GPC5: variants seen among roughly 807,000 people sequenced by gnomAD.
GPC5 encodes glypican-5.
A neutral mutation model predicts 53.9 loss-of-function variants in GPC5; 47 were observed. That is an observed-to-expected ratio of 0.87 (90% CI 0.69 to 1.11). The LOEUF is 1.11. GPC5 is among the 50% of genes most tolerant of loss of function. GPC5 has a pLI of 0.00. For missense variants in GPC5, 748 were observed against 713.1 expected (o/e 1.05, Z -0.56); for synonymous variants, 286 against 263.3 (o/e 1.09, Z -0.84).
At chr13:92,527,249 GAGAAAGAA>G (rs199630577) in intron 7 of GPC5, among the ~76,000 whole-genome samples, 5,820 of 32,444 alleles carry the variant, frequency 0.18, 538 homozygotes, top group African/African-American at 0.22. Flanking sequence ...AAGAAAGAAA[GAGAAAGAA>G]AGAAAGAAAG....
At chr13:92,564,172 C>T (rs766795471) in intron 7 of GPC5, among the ~76,000 whole-genome samples, 1 of 151,882 alleles carries the variant, frequency 6.6e-6, no homozygotes, top group Non-Finnish European at 1.5e-5. Context: ...TAGACACATG[C>T]CTTCCAGTGC....
chr13:91,510,381 C>T (rs1885172354), intron 2 of GPC5, among the ~76,000 whole-genome samples: 1 of 152,132 alleles, frequency 6.6e-6, no homozygotes, highest in Admixed American at 6.6e-5. Context: ...TGATTTGCCC[C>T]AAGATATCCA....
chr13:92,101,728 A>C (rs2041468986), intron 6 of GPC5, among the ~76,000 whole-genome samples: 2 of 152,196 alleles, frequency 1.3e-5, no homozygotes. Flanking sequence ...CTAGGGGATA[A>C]AGTGACCTGT....
chr13:92,502,084 T>C lies in GPC5; in HGVS notation c.1561+357095T>C, dbSNP rs199513272. 2.1e-4 allele frequency among the ~76,000 whole-genome samples: 32 copies of C among 152,208 alleles called. No individual in the cohort carries two copies. In the East Asian group the frequency reaches 6.0e-3, roughly 29 times the overall value. On this transcript the variant is annotated intron_variant, in intron 7 of 7. Coordinates refer to ENST00000377067, the MANE Select transcript of GPC5 (RefSeq NM_004466.6). ...TGATTCTTTAAAATGTTTGGTAATA[T>C]ATAGTAATGAGATTTATATGCTCTG...
intron 1 of GPC5, among the ~76,000 whole-genome samples, chr13:91,409,845 A>G (rs763560738): frequency 3.9e-5 from 6 of 151,994 alleles, no homozygotes; most frequent in Non-Finnish European, 8.8e-5. Context: ...TGGTTGGTCA[A>G]CCCTTGTCCA....
chr13:92,274,422 T>A (rs2042861108), intron 7 of GPC5, among the ~76,000 whole-genome samples: 1 of 152,146 alleles, frequency 6.6e-6, no homozygotes, highest in Admixed American at 6.6e-5. Context: ...CCATGAGGCA[T>A]GCAAACATAC....
chr13:91,670,862 C>T (rs1392955498), intron 2 of GPC5, among the ~76,000 whole-genome samples: 2 of 152,116 alleles, frequency 1.3e-5, no homozygotes, highest in Admixed American at 6.6e-5. Context: ...CAAAATATTG[C>T]CTTCTGTAAT....
intron 3 of GPC5, 37 bp downstream of exon 3, chr13:91,693,918 G>A (rs986207581): frequency 1.4e-6 from 2 of 1,470,306 alleles, no homozygotes; most frequent in Non-Finnish European, 1.9e-6. Context: ...CTGACTTCTT[G>A]TAATTCAAAT....
chr13:92,726,028 G>T (rs970306707), intron 7 of GPC5, among the ~76,000 whole-genome samples: 1 of 151,650 alleles, frequency 6.6e-6, no homozygotes, highest in Admixed American at 6.6e-5. Flanking sequence ...TCTAGGTGAG[G>T]TCTTTTATTC....
chr13:92,624,670 G>T (rs1205622365), intron 7 of GPC5, among the ~76,000 whole-genome samples: 2 of 152,164 alleles, frequency 1.3e-5, no homozygotes, highest in Non-Finnish European at 1.5e-5. Context: ...ATGGTCAGAT[G>T]GCACATGCTG....
intron 7 of GPC5, among the ~76,000 whole-genome samples, chr13:92,702,224 T>A (rs1887774264): frequency 6.6e-6 from 1 of 152,150 alleles, no homozygotes; most frequent in African/African-American, 2.4e-5. Flanking sequence ...ATGTTCTCTC[T>A]ACACTCACAT....
intron 6 of GPC5, among the ~76,000 whole-genome samples, chr13:92,070,210 G>A (rs1281098303): frequency 1.3e-5 from 2 of 152,244 alleles, no homozygotes; most frequent in African/African-American, 2.4e-5. Context: ...TGGGGACTGC[G>A]ATACTACCTA....
chr13:91,940,109 C>T (rs929446503), intron 6 of GPC5, among the ~76,000 whole-genome samples: 10 of 152,100 alleles, frequency 6.6e-5, no homozygotes, highest in African/African-American at 2.4e-4. Flanking sequence ...ACCCAGTTGT[C>T]TTCCTTCTTT....
chr13:91,851,287 G>A (rs7317014), intron 5 of GPC5, among the ~76,000 whole-genome samples: 28,415 of 151,644 alleles, frequency 0.19, 2,901 homozygotes, highest in East Asian at 0.31. Flanking sequence ...ATCTAAACAT[G>A]GAAAAATACA....
chr13:92,396,825 A>C (rs370006901), intron 7 of GPC5, among the ~76,000 whole-genome samples: 1 of 152,310 alleles, frequency 6.6e-6, no homozygotes, highest in South Asian at 2.1e-4. Flanking sequence ...ACCTTTGCAT[A>C]GCTCCTTATC....
intron 2 of GPC5, among the ~76,000 whole-genome samples, chr13:91,567,249 T>G (rs533977800): frequency 6.6e-6 from 1 of 152,292 alleles, no homozygotes; most frequent in Non-Finnish European, 1.5e-5. Flanking sequence ...TGAAGGAAGC[T>G]GCATGTGTAT....
chr13:91,633,326 C>T (rs2034207037), intron 2 of GPC5, among the ~76,000 whole-genome samples: 1 of 152,046 alleles, frequency 6.6e-6, no homozygotes, highest in Non-Finnish European at 1.5e-5. Flanking sequence ...TTCCTTATTC[C>T]TCAGATGTCA....
chr13:91,600,934 T>C (rs535872444), intron 2 of GPC5, among the ~76,000 whole-genome samples: 1 of 152,280 alleles, frequency 6.6e-6, no homozygotes, highest in East Asian at 1.9e-4. Flanking sequence ...ATATACTCAA[T>C]ACATAAAAGA....
chr13:91,974,954 G>C (rs903260926), intron 6 of GPC5, among the ~76,000 whole-genome samples: 1 of 152,122 alleles, frequency 6.6e-6, no homozygotes, highest in Non-Finnish European at 1.5e-5. Flanking sequence ...AGAGCCCTCA[G>C]AAATAATGCC....
Sources: gnomAD v4.1 joint callset for allele counts (sites outside exome capture counted in the v4.1 genomes callset) on GRCh38, gnomAD v4.1.1 for gene constraint, MANE v1.5 for transcripts, NCBI Gene and HGNC (gene_info 2026-07-23, HGNC 2026-07-21) for gene names.